The following GCNT2 variants were observed in gnomAD, a reference collection of about 807,000 sequenced individuals.
GCNT2 encodes the protein N-acetyllactosaminide beta-1,6-N-acetylglucosaminyl-transferase.
A neutral mutation model predicts 34.2 loss-of-function variants in GCNT2; 34 were observed. That is an observed-to-expected ratio of 1.00 (90% CI 0.76 to 1.32). The LOEUF is 1.32. GCNT2 is among the 40% of genes most tolerant of loss of function. The pLI is 0.00. For synonymous variants in GCNT2, 212 were observed against 188.0 expected (o/e 1.13, Z -1.04); for missense variants, 584 against 489.4 (o/e 1.19, Z -1.82).
At chr6:10,549,396 G>A (rs1449077137) in intron 3 of GCNT2, among the ~76,000 whole-genome samples, 1 of 152,026 alleles carries the variant, frequency 6.6e-6, no homozygotes, top group Admixed American at 6.6e-5. Flanking sequence ...TTGGGTCATA[G>A]GATATAGGTA....
At chr6:10,588,962 GGTGT>G (rs1277170954) in intron 3 of GCNT2, among the ~76,000 whole-genome samples, 10 of 147,258 alleles carry the variant, frequency 6.8e-5, no homozygotes, top group African/African-American at 2.5e-4. Flanking sequence ...TAGTGTGTGT[GGTGT>G]GTGTGTATGT....
chr6:10,564,201 G>T (rs1277729402), intron 3 of GCNT2, among the ~76,000 whole-genome samples: 2 of 152,166 alleles, frequency 1.3e-5, no homozygotes, highest in Non-Finnish European at 2.9e-5. Flanking sequence ...CATCCAGTGG[G>T]TACTTAAATC....
At chr6:10,561,860 C>T (rs965677938) in intron 3 of GCNT2, among the ~76,000 whole-genome samples, 8 of 151,690 alleles carry the variant, frequency 5.3e-5, no homozygotes, top group Admixed American at 5.3e-4. Context: ...CTCTCAACCT[C>T]AGAAGGGATC....
In GCNT2 at chr6:10,594,726, A is replaced by G. The variant is rs949467703; in HGVS notation, c.926-26625A>G. Among the ~76,000 whole-genome samples the G allele has an allele frequency of 3.3e-5, 5 of 152,360 alleles. 1 individual carries two copies. In the South Asian group the frequency reaches 1.0e-3, roughly 32 times the overall value. ...AAGGTGTTGAATAAAAGCAATTTAA[A>G]TCTCACTATAGAAGGATGTCTATGC... is the stretch of plus-strand genomic sequence containing the variant. On this transcript the variant is annotated intron_variant, in intron 3 of 4. Transcript: ENST00000495262.
chr6:10,573,250 C>T (rs1763636254), intron 3 of GCNT2: 6 of 984,922 alleles, frequency 6.1e-6, no homozygotes, highest in Non-Finnish European at 7.2e-6. Context: ...CATTCGGAAT[C>T]AGAGAAAAGT....
chr6:10,588,203 T>TA lies in GCNT2; in HGVS notation c.926-33145dup, dbSNP rs1439418176. 6.6e-5 allele frequency among the ~76,000 whole-genome samples: 10 copies of TA among 152,312 alleles called. No homozygotes were observed. The South Asian group carries it at 1.2e-3, about 19-fold the overall frequency. Reference sequence around the variant, plus strand: ...ATGCGCAATTTATTTTCAGAGATGCTAAACTGTCAGGTCACAAAGACTTGT... The same window carrying TA: ...ATGCGCAATTTATTTTCAGAGATGCTAAAACTGTCAGGTCACAAAGACTTGT... On this transcript the variant is annotated intron_variant, in intron 3 of 4. Coordinates refer to ENST00000495262, the MANE Select transcript of GCNT2 (RefSeq NM_145649.5).
intron 3 of GCNT2, among the ~76,000 whole-genome samples, chr6:10,594,642 G>A (rs1017407873): frequency 6.6e-6 from 1 of 152,100 alleles, no homozygotes; most frequent in African/African-American, 2.4e-5. Context: ...TTATTAATGT[G>A]AACATTTATT....
intron 3 of GCNT2, among the ~76,000 whole-genome samples, chr6:10,608,983 G>A (rs1048509020): frequency 5.3e-5 from 8 of 152,188 alleles, no homozygotes; most frequent in Non-Finnish European, 1.0e-4. Flanking sequence ...TAAAACCCCG[G>A]TGAATTGTTG....
intron 3 of GCNT2, among the ~76,000 whole-genome samples, chr6:10,619,820 C>T (rs1176383263): frequency 6.6e-6 from 1 of 152,190 alleles, no homozygotes; most frequent in African/African-American, 2.4e-5. Flanking sequence ...GGTCAGGTTC[C>T]TGTCTGTAGG....
At chr6:10,586,625 G>T in intron 3 of GCNT2, 1 of 1,614,156 alleles carries the variant, frequency 6.2e-7, no homozygotes, top group Non-Finnish European at 8.5e-7. Flanking sequence ...GATTTAAAGG[G>T]AAAAATATCA....
chr6:10,535,515 T>C (rs968457042), intron 3 of GCNT2, among the ~76,000 whole-genome samples: 3 of 152,212 alleles, frequency 2.0e-5, no homozygotes, highest in Non-Finnish European at 2.9e-5. Context: ...TTCATCCACC[T>C]CCCACTTTCC....
At chr6:10,619,122 T>C (rs1405177269) in intron 3 of GCNT2, 1 of 152,222 alleles carries the variant, frequency 6.6e-6, no homozygotes, top group Admixed American at 6.5e-5. Flanking sequence ...CTTCAAAATA[T>C]TGGTCTTGTC....
chr6:10,585,642 A>G (rs1022843120), intron 3 of GCNT2: 91 of 438,212 alleles, frequency 2.1e-4, no homozygotes, highest in Non-Finnish European at 3.1e-4. Context: ...AGGACCCATC[A>G]TTGCATTCCA....
At chr6:10,544,944 T>TTAAATAAA (rs1561789767) in intron 3 of GCNT2, among the ~76,000 whole-genome samples, 1 of 125,624 alleles carries the variant, frequency 8.0e-6, no homozygotes, top group African/African-American at 4.1e-5. Context: ...AAACTCTGTC[T>TTAAATAAA]CAAATAAATA....
chr6:10,536,362 T>C, intron 3 of GCNT2, among the ~76,000 whole-genome samples: 1 of 151,628 alleles, frequency 6.6e-6, no homozygotes, highest in African/African-American at 2.4e-5. Flanking sequence ...GTCAACTTCT[T>C]CTTTTTTTTT....
chr6:10,544,679 C>T (rs774667959), intron 3 of GCNT2, among the ~76,000 whole-genome samples: 6 of 151,760 alleles, frequency 4.0e-5, no homozygotes, highest in Non-Finnish European at 5.9e-5. Flanking sequence ...CATGATGGCT[C>T]ATGCCTGTAA....
chr6:10,579,202 G>C (rs1272563187), intron 3 of GCNT2, among the ~76,000 whole-genome samples: 1 of 152,096 alleles, frequency 6.6e-6, no homozygotes, highest in Non-Finnish European at 1.5e-5. Flanking sequence ...CTCTTCACAA[G>C]AGGAATATTA....
intron 3 of GCNT2, among the ~76,000 whole-genome samples, chr6:10,617,542 C>T (rs1330495220): frequency 3.9e-5 from 6 of 152,280 alleles, no homozygotes; most frequent in South Asian, 4.1e-4. Context: ...CGAGAGCGAG[C>T]GAGGGCTGCT....
intron 3 of GCNT2, among the ~76,000 whole-genome samples, chr6:10,579,834 A>AAAAAAAAAAAAAAAAG (rs1763988389): frequency 6.8e-6 from 1 of 147,672 alleles, no homozygotes; most frequent in Non-Finnish European, 1.5e-5. Context: ...AACAAAAAAA[A>AAAAAAAAAAAAAAAAG]AAAAAAAAAA....
Sources: allele counts gnomAD v4.1 joint callset (sites outside exome capture counted in the v4.1 genomes callset), GRCh38; gene constraint gnomAD v4.1.1; transcripts MANE v1.5; gene names NCBI Gene and HGNC (gene_info 2026-07-23, HGNC 2026-07-21).